Variants in CADPS observed in about 807,000 individuals in gnomAD.
CADPS encodes calcium-dependent secretion activator 1.
In CADPS, 57 loss-of-function variants were observed where a neutral mutation model predicts 167.3. That is an observed-to-expected ratio of 0.34 (90% CI 0.28 to 0.42). The LOEUF is 0.42. CADPS is among the 20% of genes least tolerant of loss of function. The pLI is 1.00. For synonymous variants in CADPS, 676 were observed against 635.3 expected (o/e 1.06, Z -0.96); for missense variants, 1,414 against 1,738.1 (o/e 0.81, Z 3.32).
intron 9 of CADPS, among the ~76,000 whole-genome samples, chr3:62,564,447 C>T (rs1055761654): frequency 1.4e-4 from 21 of 152,178 alleles, no homozygotes; most frequent in South Asian, 6.2e-4. Context: ...ACCAGCTTGA[C>T]GAACACTTTG....
At chr3:62,599,450 T>A (rs1254098165) in intron 6 of CADPS, among the ~76,000 whole-genome samples, 1 of 139,394 alleles carries the variant, frequency 7.2e-6, no homozygotes, top group African/African-American at 2.7e-5. Context: ...TCAAAGCCCA[T>A]GCATTAAATG....
At chr3:62,499,341 A>G (rs1252755069) in intron 17 of CADPS, 73 bp from the exon 18 acceptor site, 9 of 879,622 alleles carry the variant, frequency 1.0e-5, no homozygotes, top group Non-Finnish European at 1.7e-5. Flanking sequence ...GAACTAGTGG[A>G]TAAGAAATTG....
Position 62,875,221 on chromosome 3 carries a change from C to G in CADPS, c.-192G>C. ...CGGCGGTCGCGAGCTGGGCTCAGAC[C>G]CAGAAGCGCGAAGGGAGGAGGGGAA... On this transcript the variant is annotated 5_prime_UTR_variant, in exon 1 of 30. Transcript: ENST00000383710. 1 of 639,648 alleles carries G rather than the reference C, an allele frequency of 1.6e-6. No homozygotes were observed. Among genetic ancestry groups the G allele is most frequent in the Non-Finnish European group, 2.2e-6 (1 of 451,464 alleles). The allele number at this position is 639,648 out of a possible 1,614,324, so 39.6% of individuals were successfully genotyped here.
chr3:62,674,268 G>A lies in CADPS; in HGVS notation c.889-11874C>T, dbSNP rs192781975. On this transcript the variant is annotated intron_variant, in intron 3 of 29. Transcript: ENST00000383710. ...TTAATTAAATTAAAACCTTTCCAGG[G>A]TACTTGAGAACTGTCACATGCACCA... 2.6e-5 allele frequency among the ~76,000 whole-genome samples: 4 copies of A among 152,176 alleles called. No homozygotes were observed. In the South Asian group the frequency reaches 6.2e-4, roughly 24 times the overall value.
chr3:62,562,494 A>C (rs759950473), intron 9 of CADPS, among the ~76,000 whole-genome samples: 32 of 152,122 alleles, frequency 2.1e-4, no homozygotes, highest in Non-Finnish European at 3.4e-4. Context: ...TTTTTTGATA[A>C]TTAAAAAAGA....
At chr3:62,696,604 G>A (rs2151427586) in intron 3 of CADPS, among the ~76,000 whole-genome samples, 1 of 152,172 alleles carries the variant, frequency 6.6e-6, no homozygotes, top group Admixed American at 6.5e-5. Flanking sequence ...CAACTCTAGG[G>A]GATGGGGGCT....
chr3:62,823,508 A>G (rs2073409545), intron 1 of CADPS, among the ~76,000 whole-genome samples: 1 of 152,168 alleles, frequency 6.6e-6, no homozygotes, highest in South Asian at 2.1e-4. Context: ...ATTCTTTTTA[A>G]AAAAATATAA....
chr3:62,470,752 A>C (rs1014928128), intron 24 of CADPS: 1 of 152,210 alleles, frequency 6.6e-6, no homozygotes, highest in Non-Finnish European at 1.5e-5. Flanking sequence ...TGGGAAAAAA[A>C]CCAACAGTCT....
chr3:62,591,009 C>T (rs1487943219), intron 7 of CADPS, among the ~76,000 whole-genome samples: 2 of 152,046 alleles, frequency 1.3e-5, no homozygotes, highest in Admixed American at 6.5e-5. Context: ...TGCCTGCCAC[C>T]ACGCCCGGCT....
chr3:62,789,749 A>C (rs1408545463), intron 1 of CADPS, among the ~76,000 whole-genome samples: 1 of 152,230 alleles, frequency 6.6e-6, no homozygotes, highest in Non-Finnish European at 1.5e-5. Flanking sequence ...AAATAAACCT[A>C]TCAAAATATT....
chr3:62,582,789 C>T (rs1404231924), intron 8 of CADPS, among the ~76,000 whole-genome samples: 3 of 152,180 alleles, frequency 2.0e-5, no homozygotes, highest in African/African-American at 7.2e-5. Flanking sequence ...CAGAAGTGAG[C>T]TACATATTTC....
At chr3:62,527,078 A>G (rs995069376) in intron 13 of CADPS, among the ~76,000 whole-genome samples, 1 of 152,204 alleles carries the variant, frequency 6.6e-6, no homozygotes, top group African/African-American at 2.4e-5. Context: ...GATGCCACCT[A>G]GTACTCTGCA....
At chr3:62,599,702 A>AT (rs2059485399) in intron 6 of CADPS, among the ~76,000 whole-genome samples, 1 of 51,996 alleles carries the variant, frequency 1.9e-5, no homozygotes, top group Non-Finnish European at 3.1e-5. Flanking sequence ...TATAATATAT[A>AT]TATTATATAA....
chr3:62,589,220 G>A (rs950821039), intron 7 of CADPS, among the ~76,000 whole-genome samples: 3 of 152,184 alleles, frequency 2.0e-5, no homozygotes, highest in African/African-American at 2.4e-5. Flanking sequence ...ACACTCTCTC[G>A]TGAGGTCCAA....
intron 1 of CADPS, among the ~76,000 whole-genome samples, chr3:62,843,284 A>G (rs1416352609): frequency 6.6e-6 from 1 of 152,152 alleles, no homozygotes; most frequent in Non-Finnish European, 1.5e-5. Flanking sequence ...ATTTAATGAT[A>G]TTTTCTTATT....
intron 3 of CADPS, among the ~76,000 whole-genome samples, chr3:62,671,376 C>G: frequency 6.6e-6 from 1 of 151,952 alleles, no homozygotes; most frequent in East Asian, 1.9e-4. Context: ...GGAACTGAAG[C>G]CATTCAAAGA....
In CADPS at chr3:62,444,440, C is replaced by A. The variant is rs533830665; in HGVS notation, c.3669+1325G>T. 2.0e-5 allele frequency among the ~76,000 whole-genome samples: 3 copies of A among 152,308 alleles called. No homozygotes were observed. In the South Asian group the frequency reaches 6.2e-4, roughly 32 times the overall value. On this transcript the variant is annotated intron_variant, in intron 27 of 29. Transcript: ENST00000383710. ...AAACCCATGACTTAGGTATTATCGT[C>A]ATCTCCATTTTAAAGATGGAGAAAC...
chr3:62,452,600 G>A (rs2058209486), intron 26 of CADPS, among the ~76,000 whole-genome samples: 1 of 152,028 alleles, frequency 6.6e-6, no homozygotes. Context: ...AGCAGGAGAA[G>A]AAAAAAGATA....
intron 28 of CADPS, among the ~76,000 whole-genome samples, chr3:62,432,115 G>T (rs1287805031): frequency 6.6e-6 from 1 of 151,972 alleles, no homozygotes; most frequent in Non-Finnish European, 1.5e-5. Context: ...GTGTAGTTTT[G>T]TTGAGGGGGT....
Sources: allele counts gnomAD v4.1 joint callset (sites outside exome capture counted in the v4.1 genomes callset), GRCh38; gene constraint gnomAD v4.1.1; transcripts MANE v1.5; gene names NCBI Gene and HGNC (gene_info 2026-07-23, HGNC 2026-07-21).